Variants in CTNNA3 observed in about 807,000 individuals in gnomAD.
The protein encoded by CTNNA3 is catenin alpha 3, also known as catenin alpha-3.
In CTNNA3, 76 loss-of-function variants were observed where a neutral mutation model predicts 95.7. The observed-to-expected ratio is 0.79, with a 90% CI of 0.66 to 0.96. CTNNA3 has a LOEUF of 0.96. Among genes scored for constraint, CTNNA3 ranks in the 40% least tolerant of loss-of-function variants. CTNNA3 has a pLI of 0.00. For synonymous variants in CTNNA3, 431 were observed against 374.4 expected (o/e 1.15, Z -1.74); for missense variants, 1,191 against 1,089.8 (o/e 1.09, Z -1.31).
intron 13 of CTNNA3, among the ~76,000 whole-genome samples, chr10:66,179,025 T>C (rs1346511022): frequency 6.6e-6 from 1 of 151,990 alleles, no homozygotes; most frequent in African/African-American, 2.4e-5. Context: ...ATGCAACTAT[T>C]ACATAATCAG....
intron 1 of CTNNA3, among the ~76,000 whole-genome samples, chr10:67,708,020 T>A (rs1841087311): frequency 6.6e-6 from 1 of 152,310 alleles, no homozygotes; most frequent in South Asian, 2.1e-4. Context: ...CACATTTAGA[T>A]GTCAGTCCGG....
chr10:66,607,495 A>AAC (rs1217667495), intron 10 of CTNNA3, among the ~76,000 whole-genome samples: 58 of 150,118 alleles, frequency 3.9e-4, no homozygotes, highest in African/African-American at 1.4e-3. Flanking sequence ...AAAAAAAAAA[A>AAC]AGCAAGAAAG....
At chr10:67,360,416 GA>G (rs74859730) in intron 5 of CTNNA3, among the ~76,000 whole-genome samples, 1,540 of 99,280 alleles carry the variant, frequency 0.016, 15 homozygotes, top group African/African-American at 0.044. Flanking sequence ...GAGCAAGCAG[GA>G]AAAAAAAAAA....
intron 10 of CTNNA3, among the ~76,000 whole-genome samples, chr10:66,589,628 A>C (rs1479539087): frequency 6.6e-6 from 1 of 152,130 alleles, no homozygotes; most frequent in Non-Finnish European, 1.5e-5. Flanking sequence ...TCCTTTTTAC[A>C]ATTTTCAAGA....
intron 9 of CTNNA3, among the ~76,000 whole-genome samples, chr10:66,670,592 T>C (rs1253073512): frequency 1.3e-5 from 2 of 152,206 alleles, no homozygotes; most frequent in Non-Finnish European, 2.9e-5. Flanking sequence ...CACCGACTGA[T>C]TTTTCTGTTC....
At chr10:66,776,803 T>G (rs950209843) in intron 7 of CTNNA3, among the ~76,000 whole-genome samples, 3 of 152,174 alleles carry the variant, frequency 2.0e-5, no homozygotes, top group Non-Finnish European at 4.4e-5. Context: ...TTTGAGTGTT[T>G]TTCAATATAA....
At chr10:65,993,388 G>A (rs2078583332) in intron 15 of CTNNA3, among the ~76,000 whole-genome samples, 1 of 152,088 alleles carries the variant, frequency 6.6e-6, no homozygotes. Flanking sequence ...TCTCCCTTTT[G>A]ATGTAATAAT....
chr10:66,151,163 C>G (rs1478673214), intron 13 of CTNNA3, among the ~76,000 whole-genome samples: 1 of 151,728 alleles, frequency 6.6e-6, no homozygotes, highest in African/African-American at 2.4e-5. Context: ...CAGAAATAGA[C>G]AAGAAAAGAC....
chr10:66,762,787 C>G (rs117051905), intron 9 of CTNNA3, among the ~76,000 whole-genome samples: 5 of 151,900 alleles, frequency 3.3e-5, no homozygotes, highest in African/African-American at 4.8e-5. Flanking sequence ...AAAAGTTACA[C>G]GTTAACCATT....
intron 11 of CTNNA3, among the ~76,000 whole-genome samples, chr10:66,513,591 C>G (rs112380537): frequency 6.6e-6 from 1 of 152,140 alleles, no homozygotes; most frequent in African/African-American, 2.4e-5. Flanking sequence ...GCCAAGTTTG[C>G]TGGGTTGTGA....
intron 7 of CTNNA3, among the ~76,000 whole-genome samples, chr10:67,164,260 T>A (rs1374853756): frequency 6.6e-6 from 1 of 152,028 alleles, no homozygotes; most frequent in Non-Finnish European, 1.5e-5. Context: ...GGCCAAGGAA[T>A]AAACAAACAG....
intron 6 of CTNNA3, among the ~76,000 whole-genome samples, chr10:67,213,286 T>C (rs1176159490): frequency 1.3e-5 from 2 of 151,726 alleles, no homozygotes; most frequent in African/African-American, 4.8e-5. Flanking sequence ...AACCCTGTAG[T>C]TATGACTCCT....
intron 7 of CTNNA3, among the ~76,000 whole-genome samples, chr10:67,080,210 G>C (rs574813325): frequency 6.6e-6 from 1 of 152,258 alleles, no homozygotes; most frequent in Non-Finnish European, 1.5e-5. Flanking sequence ...TTGTTTTGCA[G>C]GCTAGAGCCA....
intron 15 of CTNNA3, among the ~76,000 whole-genome samples, chr10:66,045,285 C>T (rs1247012801): frequency 6.6e-6 from 1 of 152,156 alleles, no homozygotes; most frequent in Admixed American, 6.5e-5. Context: ...ATGACATTTG[C>T]TTCCAATAGA....
chr10:65,980,654 C>T (rs77917398), intron 16 of CTNNA3, among the ~76,000 whole-genome samples: 4,918 of 151,702 alleles, frequency 0.032, 246 homozygotes, highest in African/African-American at 0.11. Context: ...GCCATAATCA[C>T]GTGGGGTTCA....
intron 10 of CTNNA3, among the ~76,000 whole-genome samples, chr10:66,570,299 G>GT (rs1589435400): frequency 3.3e-5 from 5 of 151,556 alleles, no homozygotes; most frequent in Admixed American, 2.0e-4. Context: ...GTTTTGTTTT[G>GT]TTTTGTTTTG....
intron 10 of CTNNA3, among the ~76,000 whole-genome samples, chr10:66,576,720 T>C (rs1160518267): frequency 6.6e-6 from 1 of 152,096 alleles, no homozygotes; most frequent in Non-Finnish European, 1.5e-5. Flanking sequence ...AATTTCTTTA[T>C]CTGGTCCACT....
At chr10:67,351,125 C>CTGGA (rs1842620705) in intron 5 of CTNNA3, among the ~76,000 whole-genome samples, 1 of 151,394 alleles carries the variant, frequency 6.6e-6, no homozygotes, top group South Asian at 2.1e-4. Flanking sequence ...ACTCAAAAGG[C>CTGGA]TATAGTATGA....
At chr10:66,288,108 A>T (rs2091621140) in intron 12 of CTNNA3, among the ~76,000 whole-genome samples, 3 of 152,148 alleles carry the variant, frequency 2.0e-5, no homozygotes, top group Admixed American at 2.0e-4. Flanking sequence ...ATATAAACAT[A>T]AATTGTATAT....
Sources: allele counts gnomAD v4.1 joint callset (sites outside exome capture counted in the v4.1 genomes callset), GRCh38; gene constraint gnomAD v4.1.1; transcripts MANE v1.5; gene names NCBI Gene and HGNC (gene_info 2026-07-23, HGNC 2026-07-21).